ADGRV1: variants seen among roughly 807,000 people sequenced by gnomAD.
ADGRV1 encodes G-protein coupled receptor 98.
A neutral mutation model predicts 596.2 loss-of-function variants in ADGRV1; 359 were observed. That is an observed-to-expected ratio of 0.60 (90% CI 0.55 to 0.66). The LOEUF is 0.66. ADGRV1 is among the 30% of genes least tolerant of loss of function. ADGRV1 has a pLI of 0.00. For synonymous variants in ADGRV1, 2,681 were observed against 2,679.2 expected (o/e 1.00, Z -0.02); for missense variants, 7,274 against 7,575.6 (o/e 0.96, Z 1.48).
At chr5:91,019,733 G>A (rs150703993) in intron 85 of ADGRV1, among the ~76,000 whole-genome samples, 1 of 151,944 alleles carries the variant, frequency 6.6e-6, no homozygotes, top group East Asian at 1.9e-4. Context: ...GGTTGTTAGT[G>A]AAAATACTGC....
chr5:90,975,620 G>T (rs776183564), intron 84 of ADGRV1, among the ~76,000 whole-genome samples: 1 of 152,002 alleles, frequency 6.6e-6, no homozygotes. Context: ...ACCAAACACC[G>T]CATGTTCTCA....
In ADGRV1 at chr5:90,658,261, G is replaced by A. The variant is rs745828625; in HGVS notation, c.4735G>A (p.Gly1579Arg). The change falls in exon 21 of 90, where the codon GGA becomes AGA. Residue 1579 changes from glycine to arginine, a missense_variant. Gly to Arg is a moderately radical substitution (Grantham distance 125, BLOSUM62 -2). Coordinates refer to ENST00000405460, the MANE Select transcript of ADGRV1 (RefSeq NM_032119.4). ...TGCAAATGGCTTGTTTGGTTTCACA[G>A]GAGCTTGTATACCAGAGGTAAGTAG... ...DNANGLFGFT[G>R]ACIPEIAEEG... 6 of 1,528,030 alleles carry A rather than the reference G, an allele frequency of 3.9e-6. No homozygotes were observed. The highest frequency in any genetic ancestry group is 3.5e-6 in the Non-Finnish European group (4 of 1,138,936). The allele number at this position is 1,528,030 out of a possible 1,614,324, so 94.7% of individuals were successfully genotyped here.
intron 1 of ADGRV1, among the ~76,000 whole-genome samples, chr5:90,576,771 C>T (rs1229099124): frequency 6.6e-6 from 1 of 152,184 alleles, no homozygotes; most frequent in African/African-American, 2.4e-5. Context: ...ACATCCTCTC[C>T]AGCATCTGTT....
At chr5:91,098,381 G>A (rs1791064551) in intron 86 of ADGRV1, among the ~76,000 whole-genome samples, 1 of 151,812 alleles carries the variant, frequency 6.6e-6, no homozygotes, top group African/African-American at 2.4e-5. Flanking sequence ...TAACCATAAA[G>A]CTAACGTAGC....
chr5:90,889,001 A>G (rs11948100), intron 83 of ADGRV1, among the ~76,000 whole-genome samples: 22,348 of 152,050 alleles, frequency 0.15, 2,243 homozygotes, highest in East Asian at 0.34. Context: ...GTGGCCTTCT[A>G]TGAGTCATTT....
intron 67 of ADGRV1, among the ~76,000 whole-genome samples, chr5:90,786,288 A>T (rs1561728933): frequency 6.6e-6 from 1 of 152,194 alleles, no homozygotes; most frequent in African/African-American, 2.4e-5. Flanking sequence ...ATTAGGAGAA[A>T]TACCTAATGT....
At chr5:90,980,916 C>T (rs6882955) in intron 84 of ADGRV1, among the ~76,000 whole-genome samples, 2 of 152,152 alleles carry the variant, frequency 1.3e-5, no homozygotes, top group South Asian at 4.1e-4. Context: ...CATTCAATAT[C>T]GTTTTATTGT....
intron 83 of ADGRV1, among the ~76,000 whole-genome samples, chr5:90,935,405 C>G (rs1009784686): frequency 6.6e-6 from 1 of 152,198 alleles, no homozygotes; most frequent in Non-Finnish European, 1.5e-5. Flanking sequence ...CTTTGCATCT[C>G]TCTGCTACAT....
intron 45 of ADGRV1, among the ~76,000 whole-genome samples, chr5:90,721,402 G>A (rs1435013076): frequency 6.6e-6 from 1 of 151,884 alleles, no homozygotes; most frequent in Non-Finnish European, 1.5e-5. Flanking sequence ...TACTCGGGAG[G>A]CTAAGACAGG....
At chr5:90,600,202 C>T (rs1380475433) in intron 1 of ADGRV1, among the ~76,000 whole-genome samples, 1 of 152,008 alleles carries the variant, frequency 6.6e-6, no homozygotes, top group African/African-American at 2.4e-5. Context: ...ATGTGCACAA[C>T]GTGTAGGTTT....
At chr5:90,764,306 G>T (rs115286752) in intron 59 of ADGRV1, among the ~76,000 whole-genome samples, 3 of 152,198 alleles carry the variant, frequency 2.0e-5, no homozygotes, top group Non-Finnish European at 4.4e-5. Context: ...TTCACAACTT[G>T]TCTGTCCGCC....
chr5:90,679,717 C>T, intron 26 of ADGRV1, 88 bp downstream of exon 26: 1 of 796,400 alleles, frequency 1.3e-6, no homozygotes, highest in South Asian at 1.7e-5. Context: ...TTATTGACAC[C>T]TACTATGTGT....
chr5:90,799,576 T>C (rs942291882), intron 70 of ADGRV1, among the ~76,000 whole-genome samples: 2 of 152,102 alleles, frequency 1.3e-5, no homozygotes, highest in Non-Finnish European at 2.9e-5. Context: ...TGGAAAAAAC[T>C]ACCTTAAACT....
chr5:90,834,380 T>G (rs1764779395), intron 77 of ADGRV1, among the ~76,000 whole-genome samples: 1 of 152,296 alleles, frequency 6.6e-6, no homozygotes, highest in Non-Finnish European at 1.5e-5. Flanking sequence ...GTCTTTCTCC[T>G]TCATGTTTGA....
intron 39 of ADGRV1, 148 bp downstream of exon 39, chr5:90,709,057 C>T (rs912732025): frequency 2.0e-5 from 11 of 546,154 alleles, no homozygotes; most frequent in Non-Finnish European, 3.6e-5. Flanking sequence ...ATTTTTGATA[C>T]TCTCATATAT....
intron 85 of ADGRV1, among the ~76,000 whole-genome samples, chr5:91,057,973 G>A (rs539949205): frequency 6.6e-6 from 1 of 152,294 alleles, no homozygotes; most frequent in Non-Finnish European, 1.5e-5. Flanking sequence ...CTAAACACTT[G>A]ATTTATTCAA....
chr5:90,596,414 G>A (rs1239885047), intron 1 of ADGRV1, among the ~76,000 whole-genome samples: 6 of 151,614 alleles, frequency 4.0e-5, no homozygotes, highest in African/African-American at 1.2e-4. Flanking sequence ...CTGCAATCTC[G>A]GCACTTTGGG....
At chr5:90,716,913 C>T (rs951451280) in intron 43 of ADGRV1, 184 bp downstream of exon 43, 4 of 445,184 alleles carry the variant, frequency 9.0e-6, no homozygotes, top group Non-Finnish European at 1.6e-5. Flanking sequence ...GTATAAAGCG[C>T]AACTGGAAAA....
At chr5:91,058,303 G>A (rs1787085844) in intron 85 of ADGRV1, among the ~76,000 whole-genome samples, 1 of 152,108 alleles carries the variant, frequency 6.6e-6, no homozygotes, top group African/African-American at 2.4e-5. Flanking sequence ...AGGAAGTGCT[G>A]TTATCTTTCT....
Sources: gnomAD v4.1 joint callset for allele counts (sites outside exome capture counted in the v4.1 genomes callset) on GRCh38, gnomAD v4.1.1 for gene constraint, MANE v1.5 for transcripts, NCBI Gene and HGNC (gene_info 2026-07-23, HGNC 2026-07-21) for gene names.